Variants in AKAP6 observed in about 807,000 individuals in gnomAD.
The protein encoded by AKAP6 is A-kinase anchor protein 6.
AKAP6 carries 58 observed loss-of-function variants against 188.5 expected under a neutral mutation model. That is an observed-to-expected ratio of 0.31 (90% confidence interval 0.25 to 0.38). The LOEUF (loss-of-function observed/expected upper bound fraction) is 0.38. Ranked by LOEUF, AKAP6 falls within the 10% of genes least tolerant of loss-of-function variation. AKAP6 has a pLI of 1.00. For synonymous variants in AKAP6, 989 were observed against 998.6 expected, an observed-to-expected ratio of 0.99 and a Z score of 0.18; for missense variants, 2,710 against 2,740.0, an observed-to-expected ratio of 0.99 and a Z score of 0.24.
chr14:32,427,656 C>A (rs1239042312), intron 1 of AKAP6, among the ~76,000 whole-genome samples: 1 of 152,122 alleles, frequency 6.6e-6, no homozygotes, highest in Non-Finnish European at 1.5e-5. Flanking sequence ...CAGGGTACAC[C>A]TCTGGAGTTT....
At chr14:32,826,027 GA>G (rs1166354812) in intron 13 of AKAP6, among the ~76,000 whole-genome samples, 1 of 151,930 alleles carries the variant, frequency 6.6e-6, no homozygotes, top group Non-Finnish European at 1.5e-5. Flanking sequence ...AATGTATTAT[GA>G]AAAAAGTTAC....
At chr14:32,433,878 G>C (rs1890298487) in intron 2 of AKAP6, 61 bp downstream of exon 2, 2 of 1,486,292 alleles carry the variant, frequency 1.3e-6, no homozygotes, top group African/African-American at 2.8e-5. Context: ...GGCACCTAGA[G>C]ACTGTGTTCT....
chr14:32,518,577 G>A (rs1232269640), intron 2 of AKAP6, among the ~76,000 whole-genome samples: 4 of 152,196 alleles, frequency 2.6e-5, no homozygotes, highest in Admixed American at 2.6e-4. Context: ...ATTCGATCAA[G>A]TGGAAGAAAG....
rs116988859 is a variant in AKAP6 at position 32,718,457 on chromosome 14, A to G, written c.3001-13997A>G. ...AGAACAGAATGGTTTTTAAGCCTGTAGCATACTGGTATCGGAACTAAAAAT... is the reference window on the plus strand; with the variant it reads ...AGAACAGAATGGTTTTTAAGCCTGTGGCATACTGGTATCGGAACTAAAAAT... On this transcript the variant is annotated intron_variant, in intron 9 of 13. Transcript: ENST00000280979. 3.6e-4 allele frequency: 107 copies of G among 299,266 alleles called. 2 individuals carry two copies. The East Asian group carries it at 0.016, about 45-fold the overall frequency. The allele number at this position is 299,266 out of a possible 1,614,324, so 18.5% of individuals were successfully genotyped here.
intron 9 of AKAP6, among the ~76,000 whole-genome samples, chr14:32,724,049 A>G (rs1264541739): frequency 7.1e-6 from 1 of 140,606 alleles, no homozygotes; most frequent in African/African-American, 2.7e-5. Flanking sequence ...CGAACATTAC[A>G]AATCAGGTCT....
At chr14:32,573,175 A>G (rs142369380) in intron 4 of AKAP6, among the ~76,000 whole-genome samples, 5 of 152,328 alleles carry the variant, frequency 3.3e-5, no homozygotes, top group Admixed American at 2.6e-4. Flanking sequence ...CAGGAAAGAC[A>G]CTGAACAGAT....
At chr14:32,433,296 C>T in intron 1 of AKAP6, 164 bp from the exon 2 acceptor site, 2 of 566,700 alleles carry the variant, frequency 3.5e-6, no homozygotes. Context: ...TTGGGGCTAC[C>T]ATGTAGAAAA....
chr14:32,364,835 G>A (rs12879177), intron 1 of AKAP6, among the ~76,000 whole-genome samples: 26,163 of 152,068 alleles, frequency 0.17, 2,448 homozygotes, highest in East Asian at 0.37. Context: ...CAGCCACAGT[G>A]GGGTCCCTTT....
At chr14:32,331,249 A>G (rs1053249331) in intron 1 of AKAP6, among the ~76,000 whole-genome samples, 4 of 152,062 alleles carry the variant, frequency 2.6e-5, no homozygotes, top group African/African-American at 9.7e-5. Context: ...TGTTTGCTTA[A>G]TTCTTGTCTC....
Position 32,545,639 on chromosome 14 carries a change from C to T in AKAP6, c.986C>T (p.Ser329Leu). ...TTAACACTGGGGGTGTCATCATCTTCAGGAGAAGCTCTGACAAATGCTGCT... is the reference window on the plus strand; with the variant it reads ...TTAACACTGGGGGTGTCATCATCTTTAGGAGAAGCTCTGACAAATGCTGCT... ...PGLTLGVSSS[S>L]GEALTNAAQP... The change falls in exon 4 of 14, where the codon TCA (serine) becomes TTA (leucine). Residue 329 changes from serine to leucine, a missense_variant. Transcript: ENST00000280979. The T allele has an allele frequency of 6.2e-7, 1 of 1,614,144 alleles. No individual in the cohort carries two copies. The highest frequency in any genetic ancestry group is 1.3e-5 in the African/African-American group (1 of 75,048).
chr14:32,661,347 G>T (rs1177035920), intron 7 of AKAP6, among the ~76,000 whole-genome samples: 2 of 152,032 alleles, frequency 1.3e-5, no homozygotes, highest in African/African-American at 4.8e-5. Context: ...AGGCTTCATT[G>T]CTTACCACAC....
intron 1 of AKAP6, among the ~76,000 whole-genome samples, chr14:32,377,863 T>C (rs766084228): frequency 2.0e-5 from 3 of 152,222 alleles, no homozygotes; most frequent in Non-Finnish European, 2.9e-5. Flanking sequence ...GAGTATATTT[T>C]CTTGTTTTCA....
chr14:32,621,546 T>C (rs1265496946), intron 7 of AKAP6, among the ~76,000 whole-genome samples: 1 of 152,114 alleles, frequency 6.6e-6, no homozygotes, highest in Non-Finnish European at 1.5e-5. Flanking sequence ...TTACAGAAGA[T>C]AGTATTTTGA....
chr14:32,397,035 G>A (rs1416165331), intron 1 of AKAP6, among the ~76,000 whole-genome samples: 1 of 152,178 alleles, frequency 6.6e-6, no homozygotes. Context: ...GAACAAAAAA[G>A]TAGTTTCCTT....
At chr14:32,749,845 T>C (rs57998570) in intron 11 of AKAP6, among the ~76,000 whole-genome samples, 2,834 of 152,294 alleles carry the variant, frequency 0.019, 96 homozygotes, top group African/African-American at 0.065. Context: ...AGCCTCTTCC[T>C]TTCTCATCTC....
intron 7 of AKAP6, among the ~76,000 whole-genome samples, chr14:32,639,127 G>A (rs997579130): frequency 6.6e-6 from 1 of 152,044 alleles, no homozygotes; most frequent in African/African-American, 2.4e-5. Flanking sequence ...GCTATTGAGT[G>A]GTTCACACTA....
intron 3 of AKAP6, among the ~76,000 whole-genome samples, chr14:32,542,929 A>G (rs1036476663): frequency 6.6e-5 from 10 of 152,228 alleles, no homozygotes; most frequent in African/African-American, 2.4e-4. Context: ...TAATTGACAC[A>G]TGACTGCACA....
chr14:32,535,515 C>A, intron 2 of AKAP6, 39 bp from the exon 3 acceptor site: 9 of 1,588,298 alleles, frequency 5.7e-6, no homozygotes, highest in Non-Finnish European at 7.7e-6. Flanking sequence ...CAGGATAAGG[C>A]AAAGTAGTCC....
At chr14:32,682,995 C>CTTTTTTTTTTTTTTTTTG (rs71115090) in intron 8 of AKAP6, among the ~76,000 whole-genome samples, 1 of 142,258 alleles carries the variant, frequency 7.0e-6, no homozygotes, top group African/African-American at 2.6e-5. Flanking sequence ...TTTTTTCTTC[C>CTTTTTTTTTTTTTTTTTG]TTTTTTTTTT....
Sources: gnomAD v4.1 joint callset for allele counts (sites outside exome capture counted in the v4.1 genomes callset) on GRCh38, gnomAD v4.1.1 for gene constraint, MANE v1.5 for transcripts, NCBI Gene and HGNC (gene_info 2026-07-23, HGNC 2026-07-21) for gene names.